Variants in HCRTR2 observed in about 807,000 individuals in gnomAD.
HCRTR2 encodes hypocretin receptor 2.
A neutral mutation model predicts 49.0 loss-of-function variants in HCRTR2; 22 were observed. That is an observed-to-expected ratio of 0.45 (90% confidence interval 0.32 to 0.64). The LOEUF (loss-of-function observed/expected upper bound fraction) is 0.64, where lower values mean the gene tolerates loss of function less well. Ranked by LOEUF, HCRTR2 falls within the 30% of genes least tolerant of loss-of-function variation. The pLI is 0.04. For synonymous variants in HCRTR2, 236 were observed against 205.3 expected, an observed-to-expected ratio of 1.15 and a Z score of -1.28; for missense variants, 491 against 559.4, an observed-to-expected ratio of 0.88 and a Z score of 1.23.
intron 3 of HCRTR2, among the ~76,000 whole-genome samples, chr6:55,260,951 A>G (rs1221540385): frequency 6.6e-6 from 1 of 152,206 alleles, no homozygotes; most frequent in Admixed American, 6.5e-5. Context: ...AATAAAATAC[A>G]TAGAGGTAAT....
In HCRTR2 at chr6:55,112,131, A is replaced by G. The variant is rs567060920; in HGVS notation, c.-378+5586A>G. Reference sequence around the variant, plus strand: ...AAAACCCTCAACAAAATCAGCATAGAAGGAACATATCTTAGGGTAATAAAA... The same window carrying G: ...AAAACCCTCAACAAAATCAGCATAGGAGGAACATATCTTAGGGTAATAAAA... On this transcript the variant is annotated intron_variant, in intron 1 of 7. Transcript: ENST00000615358. Among the ~76,000 whole-genome samples the G allele has an allele frequency of 2.5e-4, 38 of 152,140 alleles. 1 individual carries two copies. The highest frequency in any genetic ancestry group is 8.9e-4 in the African/African-American group (37 of 41,538).
intron 1 of HCRTR2, among the ~76,000 whole-genome samples, chr6:55,202,127 T>G (rs999245996): frequency 6.6e-6 from 1 of 152,190 alleles, no homozygotes; most frequent in African/African-American, 2.4e-5. Context: ...AGAAAAAACT[T>G]TTCAGATTAA....
intron 1 of HCRTR2, among the ~76,000 whole-genome samples, chr6:55,162,369 A>G (rs917645077): frequency 3.3e-5 from 5 of 152,192 alleles, no homozygotes; most frequent in East Asian, 1.9e-4. Flanking sequence ...TGACAAACCC[A>G]TACCCAATAT....
intron 4 of HCRTR2, among the ~76,000 whole-genome samples, chr6:55,265,655 T>TCACACATCA (rs1481216617): frequency 6.6e-6 from 1 of 152,068 alleles, no homozygotes; most frequent in Non-Finnish European, 1.5e-5. Flanking sequence ...ACATCACACA[T>TCACACATCA]CACAGGGTAA....
chr6:55,153,958 T>A (rs2127259211), intron 1 of HCRTR2, among the ~76,000 whole-genome samples: 1 of 151,906 alleles, frequency 6.6e-6, no homozygotes, highest in Non-Finnish European at 1.5e-5. Flanking sequence ...ACATTACAAT[T>A]GATGTTAACA....
At chr6:55,118,439 T>G (rs1056004204) in intron 1 of HCRTR2, among the ~76,000 whole-genome samples, 1 of 151,938 alleles carries the variant, frequency 6.6e-6, no homozygotes, top group African/African-American at 2.4e-5. Flanking sequence ...CTGGGTTGAA[T>G]GGTATTTCTG....
chr6:55,156,658 T>G (rs954066992), intron 1 of HCRTR2, among the ~76,000 whole-genome samples: 1 of 151,394 alleles, frequency 6.6e-6, no homozygotes, highest in Non-Finnish European at 1.5e-5. Flanking sequence ...TTCAAAAAAT[T>G]AATAGCAAAT....
chr6:55,162,349 G>A (rs1284675966), intron 1 of HCRTR2, among the ~76,000 whole-genome samples: 2 of 152,042 alleles, frequency 1.3e-5, no homozygotes, highest in Non-Finnish European at 2.9e-5. Context: ...AAAACAATAA[G>A]AGCTATTTAT....
intron 1 of HCRTR2, among the ~76,000 whole-genome samples, chr6:55,209,192 T>A (rs1030585128): frequency 6.6e-6 from 1 of 152,166 alleles, no homozygotes; most frequent in African/African-American, 2.4e-5. Context: ...CATGATTTAA[T>A]CTCTAGACTA....
intron 1 of HCRTR2, among the ~76,000 whole-genome samples, chr6:55,136,321 G>C (rs749640745): frequency 2.0e-5 from 3 of 152,098 alleles, no homozygotes; most frequent in Non-Finnish European, 4.4e-5. Context: ...AACTACTAGA[G>C]CCGCAGTATG....
intron 3 of HCRTR2, 78 bp from the exon 4 acceptor site, chr6:55,263,629 G>C: frequency 1.3e-6 from 1 of 765,712 alleles, no homozygotes; most frequent in Non-Finnish European, 2.3e-6. Context: ...GCACTTTGAA[G>C]AAAAGCATTG....
intron 1 of HCRTR2, among the ~76,000 whole-genome samples, chr6:55,213,270 A>G (rs1201278872): frequency 2.0e-5 from 3 of 152,176 alleles, no homozygotes; most frequent in African/African-American, 7.2e-5. Flanking sequence ...TTGTTTATGA[A>G]AGGTTAGAAT....
At chr6:55,245,218 G>A (rs536597102) in intron 1 of HCRTR2, among the ~76,000 whole-genome samples, 3 of 151,314 alleles carry the variant, frequency 2.0e-5, no homozygotes, top group Non-Finnish European at 3.0e-5. Context: ...ATGTTTAAAC[G>A]GCACAGTAAT....
chr6:55,269,967 C>CA (rs200045358), intron 4 of HCRTR2, among the ~76,000 whole-genome samples: 1,540 of 151,590 alleles, frequency 0.01, 40 homozygotes, highest in East Asian at 0.067. Context: ...CTTGTCAAAA[C>CA]AAAAAAAATT....
intron 4 of HCRTR2, among the ~76,000 whole-genome samples, chr6:55,276,995 G>C (rs1422122151): frequency 1.3e-5 from 2 of 152,130 alleles, no homozygotes; most frequent in Non-Finnish European, 2.9e-5. Context: ...GTTACTTGCT[G>C]GGTTTTCCTC....
intron 1 of HCRTR2, among the ~76,000 whole-genome samples, chr6:55,158,478 G>C (rs1764760662): frequency 6.6e-6 from 1 of 152,168 alleles, no homozygotes; most frequent in African/African-American, 2.4e-5. Context: ...CCTGGAAAGG[G>C]AGCTGAAGCC....
intron 1 of HCRTR2, among the ~76,000 whole-genome samples, chr6:55,118,746 T>TGTTTCCTCCTTTTTA (rs1764154338): frequency 6.6e-6 from 1 of 151,590 alleles, no homozygotes; most frequent in Non-Finnish European, 1.5e-5. Context: ...TTAATGGGGT[T>TGTTTCCTCCTTTTTA]ATTTGTTTAT....
chr6:55,268,971 T>G (rs2127325557), intron 4 of HCRTR2, among the ~76,000 whole-genome samples: 1 of 150,956 alleles, frequency 6.6e-6, no homozygotes, highest in Non-Finnish European at 1.5e-5. Context: ...GCACCTGTAG[T>G]CCTAGCTGCT....
At chr6:55,198,290 C>T (rs1340702548) in intron 1 of HCRTR2, among the ~76,000 whole-genome samples, 1 of 152,094 alleles carries the variant, frequency 6.6e-6, no homozygotes, top group African/African-American at 2.4e-5. Flanking sequence ...AACTATATCT[C>T]CAACCCTAAC....
Sources: allele counts gnomAD v4.1 joint callset (sites outside exome capture counted in the v4.1 genomes callset), GRCh38; gene constraint gnomAD v4.1.1; transcripts MANE v1.5; gene names NCBI Gene and HGNC (gene_info 2026-07-23, HGNC 2026-07-21).